The following CNTN5 variants were observed in gnomAD, a reference collection of about 807,000 sequenced individuals.
The protein encoded by CNTN5 is contactin 5, also known as contactin-5.
CNTN5 carries 77 observed loss-of-function variants against 129.1 expected under a neutral mutation model. The observed-to-expected ratio is 0.60, with a 90% confidence interval of 0.50 to 0.72. The LOEUF (loss-of-function observed/expected upper bound fraction) is 0.72. CNTN5 is among the 30% of genes least tolerant of loss of function. The pLI is 0.00. For synonymous variants in CNTN5, 509 were observed against 465.6 expected (o/e 1.09, Z -1.20); for missense variants, 1,478 against 1,328.8 (o/e 1.11, Z -1.75).
At chr11:99,793,984 C>T (rs752205937) in intron 3 of CNTN5, among the ~76,000 whole-genome samples, 2 of 152,064 alleles carry the variant, frequency 1.3e-5, no homozygotes, top group Non-Finnish European at 2.9e-5. Flanking sequence ...TTTTCTGCCT[C>T]GATGATCTGT....
chr11:100,353,155 T>C (rs1205420064), intron 24 of CNTN5, among the ~76,000 whole-genome samples: 1 of 151,554 alleles, frequency 6.6e-6, no homozygotes, highest in Non-Finnish European at 1.5e-5. Context: ...TAACTTCTAC[T>C]CCAAGAAAAA....
At chr11:99,435,910 G>C (rs546544849) in intron 2 of CNTN5, among the ~76,000 whole-genome samples, 1 of 152,272 alleles carries the variant, frequency 6.6e-6, no homozygotes, top group South Asian at 2.1e-4. Flanking sequence ...GTTCTGGTCT[G>C]TAACAGATAT....
At chr11:99,051,520 C>T (rs1864427093) in intron 1 of CNTN5, among the ~76,000 whole-genome samples, 1 of 151,956 alleles carries the variant, frequency 6.6e-6, no homozygotes. Flanking sequence ...ACTTCCATTA[C>T]TAGAAACAAG....
chr11:99,831,086 T>C (rs973346769), intron 4 of CNTN5, among the ~76,000 whole-genome samples: 2 of 152,188 alleles, frequency 1.3e-5, no homozygotes, highest in African/African-American at 2.4e-5. Context: ...CCTGTGAATC[T>C]TAGGTTGGTG....
At chr11:99,411,340 G>A (rs913612014) in intron 2 of CNTN5, among the ~76,000 whole-genome samples, 7 of 152,046 alleles carry the variant, frequency 4.6e-5, no homozygotes, top group Non-Finnish European at 2.9e-5. Context: ...GCAACATGGT[G>A]AAACCCCATA....
Position 99,325,010 on chromosome 11 carries a change from A to T in CNTN5, c.-209-336A>T, listed in dbSNP as rs553878302. Among the ~76,000 whole-genome samples the T allele has an allele frequency of 5.9e-5, 9 of 152,182 alleles. No homozygotes were observed. The South Asian group carries it at 6.2e-4, about 10-fold the overall frequency. ...GCTAGGAATAGCATAGAATTTTCAT[A>T]TTATTGTCTTATAAATATTAAGAAA... On this transcript the variant is annotated intron_variant, in intron 1 of 24. Transcript: ENST00000524871.
chr11:99,951,149 A>G (rs1053641408), intron 7 of CNTN5, among the ~76,000 whole-genome samples: 2 of 152,072 alleles, frequency 1.3e-5, no homozygotes, highest in Non-Finnish European at 2.9e-5. Flanking sequence ...TCATGCAGCC[A>G]TCTTTGAATG....
chr11:99,446,096 A>AAC (rs1555146756), intron 2 of CNTN5, among the ~76,000 whole-genome samples: 5 of 149,772 alleles, frequency 3.3e-5, no homozygotes, highest in Admixed American at 2.7e-4. Flanking sequence ...AAAAAAAAAA[A>AAC]AAAAACAACC....
At chr11:100,108,999 C>T (rs565988291) in intron 13 of CNTN5, among the ~76,000 whole-genome samples, 1 of 152,256 alleles carries the variant, frequency 6.6e-6, no homozygotes, top group African/African-American at 2.4e-5. Context: ...TATAATGATA[C>T]TTCAACACCC....
chr11:99,784,929 A>C lies in CNTN5; in HGVS notation c.56-34615A>C, dbSNP rs539423461. On this transcript the variant is annotated intron_variant, in intron 3 of 24. Transcript: ENST00000524871. ...ATTCTTCTGCCTCAGCCTCCCAAAT[A>C]GGTGAGACTACAGGTGCCTACCATC... Among the ~76,000 whole-genome samples, 40 of 151,004 alleles carry C rather than the reference A, an allele frequency of 2.6e-4. No homozygotes were observed. The South Asian group carries it at 8.3e-3, about 31-fold the overall frequency.
At chr11:99,793,216 C>T (rs181073172) in intron 3 of CNTN5, among the ~76,000 whole-genome samples, 154 of 152,128 alleles carry the variant, frequency 1.0e-3, no homozygotes, top group African/African-American at 3.6e-3. Context: ...CCTGCCACCA[C>T]GCCCAACTAA....
At chr11:99,173,260 A>T (rs1176612106) in intron 1 of CNTN5, among the ~76,000 whole-genome samples, 1 of 152,178 alleles carries the variant, frequency 6.6e-6, no homozygotes, top group East Asian at 1.9e-4. Context: ...TTTTAAGTGG[A>T]TAGTCTATGG....
intron 2 of CNTN5, among the ~76,000 whole-genome samples, chr11:99,327,059 A>C (rs568681734): frequency 1.7e-4 from 26 of 152,226 alleles, no homozygotes; most frequent in Admixed American, 6.5e-4. Flanking sequence ...ATCAAACTCT[A>C]TATTTTTTTT....
At chr11:99,686,206 A>G (rs1591478611) in intron 3 of CNTN5, among the ~76,000 whole-genome samples, 1 of 152,056 alleles carries the variant, frequency 6.6e-6, no homozygotes, top group Non-Finnish European at 1.5e-5. Flanking sequence ...GAATAGATTG[A>G]CCCACCAATT....
At position 100,209,235 on chromosome 11, in the gene CNTN5, A is replaced by AT. The variant is rs1210917184; in HGVS notation, c.1885-15453dup. On this transcript the variant is annotated intron_variant, in intron 15 of 24. Coordinates refer to ENST00000524871, the MANE Select transcript of CNTN5 (RefSeq NM_014361.4). ...ATTTTGATACTAAACTAAAATTTAG[A>AT]TTTTATGTGTGGTGTGATGTGGAGG... Among the ~76,000 whole-genome samples the AT allele has an allele frequency of 3.3e-5, 5 of 152,288 alleles. No homozygotes were observed. In the South Asian group the frequency reaches 1.0e-3, roughly 32 times the overall value.
At chr11:99,407,827 G>C (rs570017626) in intron 2 of CNTN5, among the ~76,000 whole-genome samples, 1 of 152,194 alleles carries the variant, frequency 6.6e-6, no homozygotes, top group East Asian at 1.9e-4. Flanking sequence ...GTCTAGTTTT[G>C]CTTTCTTCTA....
intron 1 of CNTN5, among the ~76,000 whole-genome samples, chr11:99,273,275 C>T (rs1164485201): frequency 2.0e-5 from 3 of 151,756 alleles, no homozygotes; most frequent in Non-Finnish European, 2.9e-5. Context: ...TGTACATTAA[C>T]GTCAACAGAA....
At chr11:99,058,570 A>C (rs925696465) in intron 1 of CNTN5, among the ~76,000 whole-genome samples, 1 of 152,000 alleles carries the variant, frequency 6.6e-6, no homozygotes, top group African/African-American at 2.4e-5. Flanking sequence ...TTAATTTCAG[A>C]GATCTTTGCT....
At chr11:99,221,898 T>A (rs1396981253) in intron 1 of CNTN5, among the ~76,000 whole-genome samples, 1 of 151,946 alleles carries the variant, frequency 6.6e-6, no homozygotes, top group African/African-American at 2.4e-5. Context: ...ATATTTCTCT[T>A]ACTTTTACTT....
Sources: allele counts gnomAD v4.1 joint callset (sites outside exome capture counted in the v4.1 genomes callset), GRCh38; gene constraint gnomAD v4.1.1; transcripts MANE v1.5; gene names NCBI Gene and HGNC (gene_info 2026-07-23, HGNC 2026-07-21).